Variants in PCDHGB4 observed in about 807,000 individuals in gnomAD.
The protein encoded by PCDHGB4 is protocadherin gamma-B4.
A neutral mutation model predicts 60.5 loss-of-function variants in PCDHGB4; 38 were observed. The ratio of observed to expected loss-of-function variants is 0.63; its 90% CI spans 0.48 to 0.82. PCDHGB4 has a LOEUF of 0.82. PCDHGB4 is among the 40% of genes least tolerant of loss of function. The pLI is 0.00. For synonymous variants in PCDHGB4, 456 were observed against 509.7 expected (o/e 0.89, Z 1.42); for missense variants, 1,109 against 1,209.6 (o/e 0.92, Z 1.23).
chr5:141,419,240 G>C (rs753956971), intron 1 of PCDHGB4: 1 of 1,613,980 alleles, frequency 6.2e-7, no homozygotes, highest in South Asian at 1.1e-5. Flanking sequence ...CCTGGTCCAC[G>C]TGCCAGAAAA....
intron 1 of PCDHGB4, among the ~76,000 whole-genome samples, chr5:141,456,946 G>A (rs182320066): frequency 2.3e-4 from 35 of 152,284 alleles, no homozygotes; most frequent in Admixed American, 2.3e-3. Context: ...CTGGGCAACA[G>A]AGCAAAACTC....
chr5:141,403,571 G>A (rs778030830), intron 1 of PCDHGB4: 1 of 1,613,904 alleles, frequency 6.2e-7, no homozygotes, highest in Non-Finnish European at 8.5e-7. Context: ...GGAGGCAACT[G>A]CCCACCACCT....
intron 1 of PCDHGB4, among the ~76,000 whole-genome samples, chr5:141,460,684 T>C (rs1417815686): frequency 6.6e-6 from 1 of 152,074 alleles, no homozygotes; most frequent in Non-Finnish European, 1.5e-5. Context: ...TATCTATATA[T>C]CCACCAACAG....
At chr5:141,478,299 G>A (rs201916687) in intron 1 of PCDHGB4, 1 of 1,614,056 alleles carries the variant, frequency 6.2e-7, no homozygotes, top group Non-Finnish European at 8.5e-7. Flanking sequence ...GACCTATACC[G>A]AGCCCCGGTG....
intron 1 of PCDHGB4, chr5:141,428,659 G>A: frequency 6.1e-6 from 1 of 164,982 alleles, no homozygotes; most frequent in East Asian, 1.8e-4. Context: ...GAGTTCCAAT[G>A]AATGTCTTTC....
At chr5:141,473,369 G>A (rs888984972) in intron 1 of PCDHGB4, among the ~76,000 whole-genome samples, 1 of 152,200 alleles carries the variant, frequency 6.6e-6, no homozygotes, top group African/African-American at 2.4e-5. Context: ...CACCAAAATA[G>A]CATGGTCCCT....
At chr5:141,454,047 T>C (rs896373946) in intron 1 of PCDHGB4, among the ~76,000 whole-genome samples, 6 of 152,122 alleles carry the variant, frequency 3.9e-5, no homozygotes, top group African/African-American at 7.2e-5. Flanking sequence ...AAGATAAAAG[T>C]GCAGCAAAGA....
At chr5:141,413,306 A>G in intron 1 of PCDHGB4, 1 of 1,613,958 alleles carries the variant, frequency 6.2e-7, no homozygotes, top group Non-Finnish European at 8.5e-7. Context: ...GAGGAATTAG[A>G]GAAAGGCTCT....
At chr5:141,441,279 C>T (rs3792898) in intron 1 of PCDHGB4, 17,193 of 152,116 alleles carry the variant, frequency 0.11, 1,155 homozygotes, top group African/African-American at 0.18. Context: ...CGGGAGAAAA[C>T]GAGGTCACAT....
rs1219684339 is a variant in PCDHGB4, at chr5:141,506,444, CAAAAAAAAAAA to C, written c.2545+974_2545+984del. Among the ~76,000 whole-genome samples, 33 of 95,024 alleles carry C rather than the reference CAAAAAAAAAAA, an allele frequency of 3.5e-4. No individual in the cohort carries two copies. The East Asian group carries it at 0.011, about 31-fold the overall frequency. The allele number at this position is 95,024 out of a possible 152,430, so 62.3% of individuals were successfully genotyped here. On this transcript the variant is annotated intron_variant, in intron 3 of 3. Coordinates refer to ENST00000519479, the MANE Select transcript of PCDHGB4 (RefSeq NM_003736.4). ...CCTGGGCAACAGTCTCGCTCTGTCTCAAAAAAAAAAAAAAAAAAAAAGAGCACAGGCTTTAG... is the reference window on the plus strand; with the variant it reads ...CCTGGGCAACAGTCTCGCTCTGTCTCAAAAAAAAAAGAGCACAGGCTTTAG...
intron 1 of PCDHGB4, chr5:141,414,805 C>T (rs1464881022): frequency 1.2e-6 from 2 of 1,614,224 alleles, no homozygotes; most frequent in Middle Eastern, 1.6e-4. Flanking sequence ...CAGCGGGGAT[C>T]CTCCACTCAG....
intron 1 of PCDHGB4, chr5:141,427,612 T>G (rs975527074): frequency 2.9e-6 from 2 of 691,298 alleles, no homozygotes; most frequent in African/African-American, 1.8e-5. Flanking sequence ...ATTGGTGAAG[T>G]CAACGACAAT....
Position 141,485,538 on chromosome 5 carries a change from A to T in PCDHGB4, c.2398-9269A>T. ...TTGGAAATGTACCGAGCAGAGGTAG[A>T]GATCGTAGATGTGAATGATCACGCC... On this transcript the variant is annotated intron_variant, in intron 1 of 3. Transcript: ENST00000519479. The surrounding 1 kb of genome is among the most constrained non-coding windows in gnomAD (Gnocchi z 5.7). The T allele has an allele frequency of 6.2e-7, 1 of 1,614,162 alleles. No individual in the cohort carries two copies. Among genetic ancestry groups the T allele is most frequent in the Admixed American group, 1.7e-5 (1 of 60,012 alleles).
At chr5:141,424,300 AAC>A (rs1370166165) in intron 1 of PCDHGB4, 2 of 152,504 alleles carry the variant, frequency 1.3e-5, no homozygotes, top group Non-Finnish European at 2.9e-5. Context: ...TCATCCTATC[AAC>A]ACAGACATAT....
At chr5:141,498,321 G>A (rs1477684617) in intron 2 of PCDHGB4, among the ~76,000 whole-genome samples, 2 of 151,722 alleles carry the variant, frequency 1.3e-5, no homozygotes, top group Non-Finnish European at 2.9e-5. Flanking sequence ...CTACACAGAA[G>A]GAAGAGCATT....
intron 2 of PCDHGB4, among the ~76,000 whole-genome samples, chr5:141,503,598 C>CAAAAAAA (rs765754054): frequency 1.5e-5 from 1 of 65,730 alleles, no homozygotes; most frequent in Non-Finnish European, 3.4e-5. Flanking sequence ...GACTCCAGCT[C>CAAAAAAA]AAAAAAAAAA....
chr5:141,388,888 T>C lies in PCDHGB4; in HGVS notation c.1004T>C (p.Val335Ala). ...MIAQCTVEVE[V>A]IDENDNAPEV... The stretch of plus-strand genomic sequence containing the variant: ...GCGCAATGCACAGTGGAGGTAGAAG[T>C]CATAGATGAAAATGACAACGCCCCA... Residue 335 changes from valine to alanine, a missense_variant, in exon 1 of 4, where the codon GTC (valine) becomes GCC (alanine). Val to Ala is a moderately conservative substitution (Grantham distance 64). Around this residue, in one of 2 missense-constraint regions of PCDHGB4, gnomAD observed 1,068 missense variants for 1,089.9 expected, o/e 0.98. Transcript: ENST00000519479. 6.2e-7 allele frequency: 1 copy of C among 1,613,774 alleles called. No individual in the cohort carries two copies. Among genetic ancestry groups the C allele is most frequent in the Non-Finnish European group, 8.5e-7 (1 of 1,179,778 alleles).
intron 1 of PCDHGB4, chr5:141,410,620 G>T (rs765125633): frequency 6.2e-7 from 1 of 1,603,524 alleles, no homozygotes. Flanking sequence ...CTCTGACTTC[G>T]GTGAGTTTCT....
At position 141,431,784 on chromosome 5, in the gene PCDHGB4, A is replaced by G; in HGVS notation, c.2397+41503A>G. On this transcript the variant is annotated intron_variant, in intron 1 of 3. Coordinates refer to ENST00000519479, the MANE Select transcript of PCDHGB4 (RefSeq NM_003736.4). The surrounding 1 kb of genome is among the most constrained non-coding windows in gnomAD (Gnocchi z 4.8). ...CTGATCACTGTTCTGGACGTGAACG[A>G]CAATGCCCCAGAAGTGGTCCTCACC... 1 of 1,614,220 alleles carries G rather than the reference A, an allele frequency of 6.2e-7. No individual in the cohort carries two copies. Among genetic ancestry groups the G allele is most frequent in the Non-Finnish European group, 8.5e-7 (1 of 1,180,022 alleles).
Sources: allele counts gnomAD v4.1 joint callset (sites outside exome capture counted in the v4.1 genomes callset), GRCh38; gene constraint gnomAD v4.1.1; regional missense constraint gnomAD v4.1.1; non-coding constraint Gnocchi (gnomAD v3.1); transcripts MANE v1.5; gene names NCBI Gene and HGNC (gene_info 2026-07-23, HGNC 2026-07-21).